PKIB: variants seen among roughly 807,000 people sequenced by gnomAD.
PKIB encodes PKI-beta.
Under a neutral mutation model 4.5 loss-of-function variants are expected in PKIB, and 2 were observed. The ratio of observed to expected loss-of-function variants is 0.44; its 90% confidence interval spans 0.18 to 1.39. The LOEUF (loss-of-function observed/expected upper bound fraction) is 1.39, where lower values mean the gene tolerates loss of function less well. Among genes scored for constraint, PKIB ranks in the 40% most tolerant of loss-of-function variants. PKIB has a pLI of 0.27. For missense variants in PKIB, 94 were observed against 92.6 expected (o/e 1.02, Z -0.06); for synonymous variants, 38 against 36.0 (o/e 1.06, Z -0.20).
intron 2 of PKIB, among the ~76,000 whole-genome samples, chr6:122,666,088 A>G (rs970544942): frequency 3.3e-5 from 5 of 152,240 alleles, no homozygotes; most frequent in African/African-American, 1.2e-4. Flanking sequence ...ATTATGTTCT[A>G]GAGCCAGTCT....
chr6:122,536,998 AG>A (rs1056137632), intron 2 of PKIB, among the ~76,000 whole-genome samples: 5 of 151,204 alleles, frequency 3.3e-5, no homozygotes, highest in Admixed American at 2.6e-4. Context: ...TCTTGCATAG[AG>A]GGGGCCATAT....
At chr6:122,565,237 C>T (rs1157561885) in intron 2 of PKIB, among the ~76,000 whole-genome samples, 2 of 152,158 alleles carry the variant, frequency 1.3e-5, no homozygotes, top group Non-Finnish European at 2.9e-5. Context: ...ACACCTTCTT[C>T]TGGCAGAAAA....
At position 122,630,364 on chromosome 6, in the gene PKIB, AG is replaced by A. The variant is rs1462932935; in HGVS notation, c.-160-2917del. Among the ~76,000 whole-genome samples, 3 of 152,202 alleles carry A rather than the reference AG, an allele frequency of 2.0e-5. No homozygotes were observed. In the East Asian group the frequency reaches 5.8e-4, roughly 29 times the overall value. On this transcript the variant is annotated intron_variant, in intron 1 of 4. Transcript: ENST00000368452. ...TTTAAGGCTTTATTCAGCCTAAAAA[AG>A]GAAAGAAATTCTGGCACTTGCTGCC...
intron 2 of PKIB, among the ~76,000 whole-genome samples, chr6:122,520,565 A>G (rs1776901103): frequency 6.6e-6 from 1 of 151,874 alleles, no homozygotes; most frequent in African/African-American, 2.4e-5. Context: ...CATCTGGCTT[A>G]TACTCCTGTG....
At chr6:122,710,137 T>G (rs1484127133) in intron 3 of PKIB, among the ~76,000 whole-genome samples, 1 of 152,204 alleles carries the variant, frequency 6.6e-6, no homozygotes, top group East Asian at 1.9e-4. Context: ...TAAGCAGATA[T>G]GTTCCAGTCT....
At chr6:122,564,806 T>C (rs1282577045) in intron 2 of PKIB, among the ~76,000 whole-genome samples, 1 of 152,136 alleles carries the variant, frequency 6.6e-6, no homozygotes, top group Non-Finnish European at 1.5e-5. Flanking sequence ...CTACTTCCCA[T>C]TGGTGAAATT....
At position 122,633,315 on chromosome 6, in the gene PKIB, A is replaced by G. The variant is rs943902837; in HGVS notation, c.-128A>G. The G allele has an allele frequency of 1.3e-5, 2 of 152,192 alleles. No homozygotes were observed. Among genetic ancestry groups the G allele is most frequent in the Non-Finnish European group, 2.9e-5 (2 of 68,024 alleles). The allele number at this position is 152,192 out of a possible 1,614,324, so 9.4% of individuals were successfully genotyped here. ...GCTATACTGAAAAGACACTTCATCAAGATAACTCTGGGAGAAGCAGAAAAC... is the reference window on the plus strand; with the variant it reads ...GCTATACTGAAAAGACACTTCATCAGGATAACTCTGGGAGAAGCAGAAAAC... On this transcript the variant is annotated 5_prime_UTR_variant, in exon 2 of 5. Transcript: ENST00000368452.
chr6:122,474,412 ATT>A (rs969375766), intron 1 of PKIB, among the ~76,000 whole-genome samples: 10 of 152,136 alleles, frequency 6.6e-5, no homozygotes, highest in Non-Finnish European at 1.3e-4. Flanking sequence ...TATGAAATGT[ATT>A]AATATGCACT....
At chr6:122,646,270 C>T (rs906638346) in intron 2 of PKIB, among the ~76,000 whole-genome samples, 5 of 152,034 alleles carry the variant, frequency 3.3e-5, no homozygotes, top group Non-Finnish European at 7.4e-5. Flanking sequence ...CTGGCTTTTT[C>T]CCTGACAGTC....
At chr6:122,485,486 T>C (rs532917677) in intron 2 of PKIB, among the ~76,000 whole-genome samples, 3 of 152,306 alleles carry the variant, frequency 2.0e-5, no homozygotes, top group Admixed American at 1.3e-4. Context: ...GTAAAAGATA[T>C]GTCAGTGGTA....
At chr6:122,471,961 T>A in exon 1 of PKIB, 1 of 1,083,976 alleles carries the variant, frequency 9.2e-7, no homozygotes, top group Non-Finnish European at 1.3e-6. Context: ...TCTTCTTTCC[T>A]GGAGAATTTC....
intron 3 of PKIB, among the ~76,000 whole-genome samples, chr6:122,685,979 G>T (rs1299500839): frequency 1.3e-5 from 2 of 152,122 alleles, no homozygotes; most frequent in South Asian, 2.1e-4. Flanking sequence ...TGTTGCAAAC[G>T]ACAGTATCTC....
chr6:122,610,798 G>A (rs1002428623), intron 1 of PKIB, among the ~76,000 whole-genome samples: 1 of 152,230 alleles, frequency 6.6e-6, no homozygotes, highest in African/African-American at 2.4e-5. Context: ...GACGTGGGAG[G>A]TCTGTCACCT....
At chr6:122,473,553 A>C (rs1474201195) in intron 1 of PKIB, among the ~76,000 whole-genome samples, 2 of 152,184 alleles carry the variant, frequency 1.3e-5, no homozygotes, top group African/African-American at 2.4e-5. Context: ...TTGCTCACTT[A>C]AGTTATTATA....
chr6:122,497,251 A>G (rs1776098718), intron 2 of PKIB, among the ~76,000 whole-genome samples: 1 of 152,232 alleles, frequency 6.6e-6, no homozygotes, highest in African/African-American at 2.4e-5. Flanking sequence ...ACAAAAAACA[A>G]TACCTACTAC....
At chr6:122,571,847 G>A (rs936093871) in intron 2 of PKIB, among the ~76,000 whole-genome samples, 5 of 152,006 alleles carry the variant, frequency 3.3e-5, no homozygotes, top group African/African-American at 1.2e-4. Context: ...AAGTATCTAG[G>A]TAAAAACTAA....
At chr6:122,677,571 G>T (rs890241488) in intron 3 of PKIB, among the ~76,000 whole-genome samples, 2 of 152,084 alleles carry the variant, frequency 1.3e-5, no homozygotes, top group African/African-American at 4.8e-5. Context: ...TCTCACCCTT[G>T]GCTATGTAGC....
At chr6:122,554,183 A>G (rs994156311) in intron 2 of PKIB, among the ~76,000 whole-genome samples, 2 of 152,220 alleles carry the variant, frequency 1.3e-5, no homozygotes, top group African/African-American at 2.4e-5. Context: ...ACTAGACTAC[A>G]TTACTGTGAC....
chr6:122,562,040 G>C, intron 2 of PKIB, among the ~76,000 whole-genome samples: 1 of 21,300 alleles, frequency 4.7e-5, no homozygotes, highest in Non-Finnish European at 8.9e-5. Context: ...TTGTATTTTT[G>C]CTGTATAGTT....
Sources: allele counts gnomAD v4.1 joint callset (sites outside exome capture counted in the v4.1 genomes callset), GRCh38; gene constraint gnomAD v4.1.1; transcripts MANE v1.5; gene names NCBI Gene and HGNC (gene_info 2026-07-23, HGNC 2026-07-21).